Variants in KIAA0586 observed in about 807,000 individuals in gnomAD.
KIAA0586 encodes the protein KIAA0586.
Under a neutral mutation model 169.8 loss-of-function variants are expected in KIAA0586, and 144 were observed. The observed-to-expected ratio is 0.85, with a 90% CI of 0.74 to 0.97. The LOEUF is 0.97. Among genes scored for constraint, KIAA0586 ranks in the 50% least tolerant of loss-of-function variants. The pLI is 0.00. For synonymous variants in KIAA0586, 625 were observed against 612.4 expected, an observed-to-expected ratio of 1.02 and a Z score of -0.30; for missense variants, 1,854 against 1,823.0, an observed-to-expected ratio of 1.02 and a Z score of -0.31.
At chr14:58,494,417 T>C (rs1469516624) in intron 26 of KIAA0586, among the ~76,000 whole-genome samples, 1 of 151,880 alleles carries the variant, frequency 6.6e-6, no homozygotes, top group Non-Finnish European at 1.5e-5. Context: ...CTTTGTTGTC[T>C]GTTTTTTTTT....
Position 58,472,202 on chromosome 14 carries a change from C to A in KIAA0586, c.2557C>A (p.Pro853Thr), listed in dbSNP as rs367573993. 8 of 1,560,986 alleles carry A rather than the reference C, an allele frequency of 5.1e-6. No homozygotes were observed. In the East Asian group the frequency reaches 1.6e-4, roughly 32 times the overall value. ...LPPVQTWIKTPEIMKVDEEEV... is the reference protein window; with the variant it reads ...LPPVQTWIKTTEIMKVDEEEV... Reference sequence around the variant, plus strand: ...CTTTCTGAAAATGCTTTCTTAGACTCCAGAAATTATGAAGGTAGATGAAGA... The same window carrying A: ...CTTTCTGAAAATGCTTTCTTAGACTACAGAAATTATGAAGGTAGATGAAGA... Residue 853 changes from proline (P) to threonine (T), a missense_variant, in exon 18 of 31, where the codon CCA (proline) becomes ACA (threonine). Coordinates refer to ENST00000652326, the MANE Select transcript of KIAA0586 (RefSeq NM_001329943.3).
intron 16 of KIAA0586, among the ~76,000 whole-genome samples, 190 bp downstream of exon 16, chr14:58,468,112 C>G (rs2040916590): frequency 6.6e-6 from 1 of 152,194 alleles, no homozygotes; most frequent in African/African-American, 2.4e-5. Flanking sequence ...ATGGCGCAAT[C>G]TCGGCTCACT....
intron 29 of KIAA0586, chr14:58,521,824 A>G: frequency 1.2e-6 from 1 of 846,168 alleles, no homozygotes; most frequent in Non-Finnish European, 2.1e-6. Context: ...ACTAATGTGA[A>G]GGTGGAGTCG....
chr14:58,487,121 G>T lies in KIAA0586; in HGVS notation c.3259G>T (p.Asp1087Tyr), dbSNP rs780444812. The change falls in exon 22 of 31, where the codon GAT (aspartate) becomes TAT (tyrosine). Residue 1087 changes from aspartate (D) to tyrosine (Y), a missense_variant. Asp to Tyr is a radical substitution (Grantham distance 160). Coordinates refer to ENST00000652326, the MANE Select transcript of KIAA0586 (RefSeq NM_001329943.3). The part of the protein sequence containing the change: ...KTPDSSPCDS[D>Y]HDMAFPVKEI... The stretch of plus-strand genomic sequence containing the variant: ...TCCAGATTCTTCTCCCTGTGATTCG[G>T]ATCATGATATGGCTTTTCCTGTGAA... The T allele has an allele frequency of 1.9e-6, 3 of 1,613,724 alleles. No individual in the cohort carries two copies. Among genetic ancestry groups the T allele is most frequent in the Non-Finnish European group, 2.5e-6 (3 of 1,179,692 alleles).
chr14:58,504,888 G>A (rs2043825595), intron 27 of KIAA0586, among the ~76,000 whole-genome samples: 1 of 152,090 alleles, frequency 6.6e-6, no homozygotes, highest in Middle Eastern at 3.2e-3. Flanking sequence ...TTATCACACT[G>A]ATATTAATCT....
At chr14:58,484,756 G>A (rs570861872) in intron 21 of KIAA0586, among the ~76,000 whole-genome samples, 75 of 148,336 alleles carry the variant, frequency 5.1e-4, no homozygotes, top group Non-Finnish European at 9.4e-4. Flanking sequence ...CAATGCTATA[G>A]AAATTCTAAT....
chr14:58,552,869 A>T (rs74058018), downstream of KIAA0586, among the ~76,000 whole-genome samples: 2,431 of 152,330 alleles, frequency 0.016, 72 homozygotes, highest in African/African-American at 0.055. Context: ...AGAATTATGA[A>T]GATAAACTAT....
Position 58,458,501 on chromosome 14 carries a change from A to C in KIAA0586, c.1612A>C (p.Lys538Gln). Residue 538 changes from lysine to glutamine, a missense_variant, in exon 12 of 31, where the codon AAG becomes CAG. Coordinates refer to ENST00000652326, the MANE Select transcript of KIAA0586 (RefSeq NM_001329943.3). ...GATGTCAGAGAAAATTAGGATCAGA[A>C]AGACAGTGGATGAATGGATTAAAAC... ...REMSEKIRIR[K>Q]TVDEWIKTIS... 6.5e-7 allele frequency: 1 copy of C among 1,546,906 alleles called. No homozygotes were observed. The highest frequency in any genetic ancestry group is 1.2e-5 in the South Asian group (1 of 82,258).
Position 58,548,063 on chromosome 14 carries a change from AAAAC to A in KIAA0586, c.*135_*138del. On this transcript the variant is annotated 3_prime_UTR_variant, in exon 31 of 31. Transcript: ENST00000652326. ...AAAAAAAATTCCAATATTTTAAAAT[AAAAC>A]AAAAAGCATAATTTGGGTATTTAAA... The A allele has an allele frequency of 9.1e-7, 1 of 1,103,086 alleles. No homozygotes were observed. The highest frequency in any genetic ancestry group is 1.3e-6 in the Non-Finnish European group (1 of 793,646). The allele number at this position is 1,103,086 out of a possible 1,614,324, so 68.3% of individuals were successfully genotyped here.
intron 19 of KIAA0586, among the ~76,000 whole-genome samples, chr14:58,475,005 G>A (rs1056270014): frequency 2.6e-5 from 4 of 152,304 alleles, no homozygotes; most frequent in Middle Eastern, 3.4e-3. Flanking sequence ...TACTCAATCT[G>A]TCTACTCTGG....
chr14:58,458,906 A>G (rs1018217576), intron 12 of KIAA0586, among the ~76,000 whole-genome samples: 17 of 152,192 alleles, frequency 1.1e-4, no homozygotes, highest in Non-Finnish European at 2.1e-4. Context: ...AGTAATGCAA[A>G]GAGAAAAAAA....
chr14:58,559,267 CT>C, the KIAA0586 span, among the ~76,000 whole-genome samples: 1 of 152,098 alleles, frequency 6.6e-6, no homozygotes, highest in South Asian at 2.1e-4. Context: ...TAGCTCTCTT[CT>C]TTATGCGATT....
At position 58,472,297 on chromosome 14, in the gene KIAA0586, C is replaced by T; in HGVS notation, c.2634+18C>T. On this transcript the variant is annotated intron_variant, in intron 18 of 30. Coordinates refer to ENST00000652326, the MANE Select transcript of KIAA0586 (RefSeq NM_001329943.3). Reference sequence around the variant, plus strand: ...TCATACAGGTAACAAAGCTTAGAAACCATGAGAAATTATTTTTCTACCGGT... The same window carrying T: ...TCATACAGGTAACAAAGCTTAGAAATCATGAGAAATTATTTTTCTACCGGT... 1.4e-6 allele frequency: 2 copies of T among 1,420,970 alleles called. No individual in the cohort carries two copies. The allele number at this position is 1,420,970 out of a possible 1,614,324, so 88.0% of individuals were successfully genotyped here.
At chr14:58,456,908 G>A in intron 10 of KIAA0586, 98 bp downstream of exon 10, 1 of 669,786 alleles carries the variant, frequency 1.5e-6, no homozygotes, top group Non-Finnish European at 2.6e-6. Context: ...GAAGGATGAA[G>A]AAAAAGCACT....
At chr14:58,554,875 T>G (rs1446261852), downstream of KIAA0586, among the ~76,000 whole-genome samples, 1 of 152,160 alleles carries the variant, frequency 6.6e-6, no homozygotes. Flanking sequence ...AGCCCCTGAT[T>G]GGGACAGCTT....
chr14:58,559,394 G>A, the KIAA0586 span, among the ~76,000 whole-genome samples: 1 of 152,212 alleles, frequency 6.6e-6, no homozygotes, highest in Admixed American at 6.5e-5. Flanking sequence ...GCAATGGGAA[G>A]TGCCCTGGAT....
intron 27 of KIAA0586, among the ~76,000 whole-genome samples, chr14:58,508,188 T>G (rs1336607275): frequency 6.6e-6 from 1 of 152,200 alleles, no homozygotes; most frequent in East Asian, 1.9e-4. Flanking sequence ...AAATTGCCCT[T>G]TGCTTTAAGA....
chr14:58,449,315 C>T (rs1449906146), intron 7 of KIAA0586, among the ~76,000 whole-genome samples: 2 of 152,112 alleles, frequency 1.3e-5, no homozygotes, highest in Non-Finnish European at 2.9e-5. Flanking sequence ...TCACTTGAGT[C>T]CAGGAATTCG....
intron 29 of KIAA0586, among the ~76,000 whole-genome samples, chr14:58,531,945 A>C (rs1360649904): frequency 6.6e-6 from 1 of 152,160 alleles, no homozygotes; most frequent in South Asian, 2.1e-4. Context: ...ATAGGAAATC[A>C]AACACCTCAT....
Sources: allele counts gnomAD v4.1 joint callset (sites outside exome capture counted in the v4.1 genomes callset), GRCh38; gene constraint gnomAD v4.1.1; transcripts MANE v1.5; gene names NCBI Gene and HGNC (gene_info 2026-07-23, HGNC 2026-07-21).